The following ATP6V1D variants were observed in gnomAD, a reference collection of about 807,000 sequenced individuals.
ATP6V1D encodes the protein V-type proton ATPase subunit D.
A neutral mutation model predicts 39.4 loss-of-function variants in ATP6V1D; 20 were observed. That is an observed-to-expected ratio of 0.51 (90% CI 0.36 to 0.74). The LOEUF (loss-of-function observed/expected upper bound fraction) is 0.74. Among genes scored for constraint, ATP6V1D ranks in the 30% least tolerant of loss-of-function variants. The probability of loss-of-function intolerance (pLI) is 0.00; values close to 1 mark genes in which losing one functional copy is unlikely to be tolerated. For missense variants in ATP6V1D, 228 were observed against 291.6 expected, an observed-to-expected ratio of 0.78 and a Z score of 1.59; for synonymous variants, 100 against 100.5, an observed-to-expected ratio of 0.99 and a Z score of 0.03.
chr14:67,359,553 G>A, intron 1 of ATP6V1D, 105 bp downstream of exon 1: 2 of 1,314,318 alleles, frequency 1.5e-6, no homozygotes, highest in East Asian at 2.4e-5. Context: ...AAAAGCTCAG[G>A]ATCCTCCCAG....
In ATP6V1D at chr14:67,342,557, C is replaced by CTTTTT. The variant is rs767148771; in HGVS notation, c.523+810_523+814dup. The stretch of plus-strand genomic sequence containing the variant: ...CTGAGGGTAAGAACTACGAATTATC[C>CTTTTT]TTTTTTTTTTTTTTTTCTTTGCTTC... On this transcript the variant is annotated intron_variant, in intron 7 of 8. Coordinates refer to ENST00000216442, the MANE Select transcript of ATP6V1D (RefSeq NM_015994.4). Among the ~76,000 whole-genome samples the CTTTTT allele has an allele frequency of 1.1e-3, 154 of 136,946 alleles. 2 individuals carry two copies. The South Asian group carries it at 0.021, about 19-fold the overall frequency. The allele number at this position is 136,946 out of a possible 152,430, so 89.8% of individuals were successfully genotyped here.
At chr14:67,352,421 T>C (rs867936083) in intron 2 of ATP6V1D, among the ~76,000 whole-genome samples, 10 of 147,222 alleles carry the variant, frequency 6.8e-5, no homozygotes, top group South Asian at 6.5e-4. Flanking sequence ...AGTAAGACCT[T>C]GCCTCAAAAA....
intron 6 of ATP6V1D, among the ~76,000 whole-genome samples, chr14:67,345,054 C>T (rs185058201): frequency 2.1e-3 from 311 of 149,996 alleles, no homozygotes; most frequent in Non-Finnish European, 1.8e-3. Context: ...CCAGCCTGGA[C>T]GACATGGTGA....
intron 1 of ATP6V1D, among the ~76,000 whole-genome samples, chr14:67,353,262 G>T (rs1473142832): frequency 6.6e-6 from 1 of 152,178 alleles, no homozygotes; most frequent in Non-Finnish European, 1.5e-5. Context: ...GTTGGGAGGT[G>T]GGACCATCAA....
intron 5 of ATP6V1D, among the ~76,000 whole-genome samples, chr14:67,347,079 G>A (rs2085623926): frequency 1.3e-5 from 2 of 152,072 alleles, no homozygotes; most frequent in South Asian, 4.1e-4. Context: ...TACCTCCCCA[G>A]CTCAAGCAAT....
At chr14:67,338,991 CCTTT>C (rs1270733751) in intron 8 of ATP6V1D, among the ~76,000 whole-genome samples, 1 of 147,392 alleles carries the variant, frequency 6.8e-6, no homozygotes, top group Non-Finnish European at 1.5e-5. Flanking sequence ...GAGACAGAAG[CCTTT>C]TTTTTTTTTT....
At chr14:67,357,681 G>A (rs545053702) in intron 1 of ATP6V1D, among the ~76,000 whole-genome samples, 3 of 152,318 alleles carry the variant, frequency 2.0e-5, no homozygotes, top group East Asian at 1.9e-4. Context: ...CTGATAGTAG[G>A]GGAAAGGGCT....
chr14:67,343,354 A>AC lies in ATP6V1D; in HGVS notation c.523+17dup. ...GTATGGACAAGTGACAAAGCACCTCACAGTACCTAATACTCACCATGTTCA... is the reference window on the plus strand; with the variant it reads ...GTATGGACAAGTGACAAAGCACCTCACCAGTACCTAATACTCACCATGTTCA... On this transcript the variant is annotated intron_variant, in intron 7 of 8. Coordinates refer to ENST00000216442, the MANE Select transcript of ATP6V1D (RefSeq NM_015994.4). 1 of 1,595,906 alleles carries AC rather than the reference A, an allele frequency of 6.3e-7. No individual in the cohort carries two copies. The highest frequency in any genetic ancestry group is 1.1e-5 in the South Asian group (1 of 89,442).
Position 67,338,164 on chromosome 14 carries a change from GGA to G in ATP6V1D, c.*455_*456del, listed in dbSNP as rs2085554194. On this transcript the variant is annotated 3_prime_UTR_variant, in exon 9 of 9. Transcript: ENST00000216442. The stretch of plus-strand genomic sequence containing the variant: ...GACAAGACAGGAACCTGTCATGCAA[GGA>G]AAAGTGCAGGTTTTCACAAAGTTTG... The G allele has an allele frequency of 1.3e-5, 2 of 153,720 alleles. No homozygotes were observed. The highest frequency in any genetic ancestry group is 2.9e-5 in the Non-Finnish European group (2 of 68,906). The allele number at this position is 153,720 out of a possible 1,614,324, so 9.5% of individuals were successfully genotyped here.
chr14:67,347,376 GAC>G (rs748297036), intron 5 of ATP6V1D, 31 bp downstream of exon 5: 1 of 1,545,134 alleles, frequency 6.5e-7, no homozygotes, highest in Admixed American at 1.8e-5. Context: ...AAATCCCAGA[GAC>G]ACAAAGTAAT....
Position 67,342,624 on chromosome 14 carries a change from A to G in ATP6V1D, c.523+748T>C, listed in dbSNP as rs528196118. 1.9e-3 allele frequency among the ~76,000 whole-genome samples: 286 copies of G among 151,204 alleles called. 1 individual carries two copies. The highest frequency in any genetic ancestry group is 6.8e-3 in the African/African-American group (279 of 41,240). ...GCCTGGCACTAGCAAGCAGTCAAAA[A>G]GGTTTTTTAAAAAATGAGGTAACTT... On this transcript the variant is annotated intron_variant, in intron 7 of 8. Transcript: ENST00000216442.
chr14:67,352,570 T>C (rs930098207), intron 2 of ATP6V1D, among the ~76,000 whole-genome samples: 1 of 152,172 alleles, frequency 6.6e-6, no homozygotes, highest in African/African-American at 2.4e-5. Context: ...CAGCCTCTCT[T>C]AAGAGACTAG....
At chr14:67,338,819 T>C in intron 8 of ATP6V1D, 57 bp from the exon 9 acceptor site, 3 of 1,477,444 alleles carry the variant, frequency 2.0e-6, no homozygotes, top group South Asian at 2.6e-5. Flanking sequence ...TTAAGTAGAT[T>C]TGATTTCTTT....
intron 4 of ATP6V1D, among the ~76,000 whole-genome samples, chr14:67,347,835 C>G (rs1199491672): frequency 1.3e-5 from 2 of 151,826 alleles, no homozygotes; most frequent in African/African-American, 4.8e-5. Context: ...TTCTGTGTTT[C>G]TTTTTCATCA....
intron 8 of ATP6V1D, among the ~76,000 whole-genome samples, chr14:67,339,881 T>C (rs956911259): frequency 2.0e-5 from 3 of 151,962 alleles, no homozygotes; most frequent in African/African-American, 4.8e-5. Flanking sequence ...GGTGGATTGC[T>C]TGAGGTCAGG....
chr14:67,357,678 T>C (rs1452598298), intron 1 of ATP6V1D, among the ~76,000 whole-genome samples: 1 of 152,196 alleles, frequency 6.6e-6, no homozygotes, highest in East Asian at 1.9e-4. Flanking sequence ...CCACTGATAG[T>C]AGGGGAAAGG....
At chr14:67,355,067 C>G (rs1169005427) in intron 1 of ATP6V1D, among the ~76,000 whole-genome samples, 2 of 152,234 alleles carry the variant, frequency 1.3e-5, no homozygotes, top group Admixed American at 1.3e-4. Flanking sequence ...CCACCTCGGC[C>G]TCACAAAGTG....
At chr14:67,354,794 T>C (rs893927406) in intron 1 of ATP6V1D, among the ~76,000 whole-genome samples, 8 of 152,192 alleles carry the variant, frequency 5.3e-5, no homozygotes, top group African/African-American at 9.7e-5. Flanking sequence ...TTTACTACTA[T>C]ATTCTTTTGT....
intron 1 of ATP6V1D, among the ~76,000 whole-genome samples, chr14:67,357,949 T>C (rs1416978301): frequency 6.6e-6 from 1 of 152,040 alleles, no homozygotes. Context: ...CACTTCAGAG[T>C]TGGAAGAGAT....
Sources: allele counts gnomAD v4.1 joint callset (sites outside exome capture counted in the v4.1 genomes callset), GRCh38; gene constraint gnomAD v4.1.1; transcripts MANE v1.5; gene names NCBI Gene and HGNC (gene_info 2026-07-23, HGNC 2026-07-21).